Variants in ZCCHC7 observed in about 807,000 individuals in gnomAD.
ZCCHC7 encodes the protein zinc finger CCHC domain-containing protein 7.
In ZCCHC7, 35 loss-of-function variants were observed where a neutral mutation model predicts 52.0. The ratio of observed to expected loss-of-function variants is 0.67; its 90% CI spans 0.51 to 0.89. The LOEUF is 0.89. ZCCHC7 is among the 40% of genes least tolerant of loss of function. The probability of loss-of-function intolerance (pLI) is 0.00; values close to 1 mark genes in which losing one functional copy is unlikely to be tolerated. For synonymous variants in ZCCHC7, 217 were observed against 221.5 expected, an observed-to-expected ratio of 0.98 and a Z score of 0.18; for missense variants, 574 against 649.1, an observed-to-expected ratio of 0.88 and a Z score of 1.26.
At chr9:37,349,649 T>C (rs1273495655) in intron 7 of ZCCHC7, among the ~76,000 whole-genome samples, 197 bp downstream of exon 7, 2 of 152,258 alleles carry the variant, frequency 1.3e-5, no homozygotes, top group Non-Finnish European at 2.9e-5. Context: ...CCTCTAATTA[T>C]GTTACATGTA....
chr9:37,328,427 C>G (rs1830333634), intron 6 of ZCCHC7, among the ~76,000 whole-genome samples: 1 of 151,860 alleles, frequency 6.6e-6, no homozygotes, highest in South Asian at 2.1e-4. Context: ...ATACAGTTTG[C>G]TAGAGAATCT....
At chr9:37,225,248 T>C (rs994122665) in intron 2 of ZCCHC7, among the ~76,000 whole-genome samples, 2 of 152,096 alleles carry the variant, frequency 1.3e-5, no homozygotes, top group African/African-American at 4.8e-5. Context: ...CCTTGAAAGT[T>C]AAAATTAAGA....
intron 2 of ZCCHC7, among the ~76,000 whole-genome samples, chr9:37,201,852 CAT>C (rs1823647615): frequency 6.6e-6 from 1 of 152,220 alleles, no homozygotes; most frequent in African/African-American, 2.4e-5. Flanking sequence ...ATACAAAACT[CAT>C]ATTATCTGCA....
intron 2 of ZCCHC7, among the ~76,000 whole-genome samples, chr9:37,262,570 A>G (rs1049041705): frequency 4.6e-5 from 7 of 152,176 alleles, no homozygotes; most frequent in African/African-American, 1.7e-4. Context: ...GCGTCTTCAC[A>G]GTTTACTCAC....
intron 6 of ZCCHC7, among the ~76,000 whole-genome samples, chr9:37,345,959 T>TTTTTG (rs951672521): frequency 3.9e-5 from 6 of 151,990 alleles, no homozygotes; most frequent in Non-Finnish European, 8.8e-5. Context: ...GAAGTAGTTT[T>TTTTTG]TTTTGTTTTG....
At chr9:37,237,940 A>T (rs1284736039) in intron 2 of ZCCHC7, among the ~76,000 whole-genome samples, 1 of 151,866 alleles carries the variant, frequency 6.6e-6, no homozygotes, top group Non-Finnish European at 1.5e-5. Flanking sequence ...GGTGGGCAAA[A>T]CTCATTCCCG....
At chr9:37,189,786 A>G (rs1223659397) in intron 2 of ZCCHC7, among the ~76,000 whole-genome samples, 1 of 152,172 alleles carries the variant, frequency 6.6e-6, no homozygotes, top group Non-Finnish European at 1.5e-5. Context: ...TTTCCTTTAC[A>G]AAACCTTTGC....
intron 2 of ZCCHC7, among the ~76,000 whole-genome samples, chr9:37,294,784 G>C (rs1470904529): frequency 6.6e-6 from 1 of 152,022 alleles, no homozygotes; most frequent in Admixed American, 6.6e-5. Flanking sequence ...TAACTGGATA[G>C]ATAAAATAGA....
Position 37,279,446 on chromosome 9 carries a change from C to A in ZCCHC7, c.611-22742C>A, listed in dbSNP as rs534071020. Among the ~76,000 whole-genome samples the A allele has an allele frequency of 2.8e-4, 42 of 151,164 alleles. 1 individual carries two copies. In the South Asian group the frequency reaches 3.8e-3, roughly 14 times the overall value. The stretch of plus-strand genomic sequence containing the variant: ...GACAAAAAAACATAAGGACATAAAC[C>A]TAAAATGCAATAGAGAAATTATATT... On this transcript the variant is annotated intron_variant, in intron 2 of 8. Transcript: ENST00000336755.
At chr9:37,131,840 A>C (rs868332224) in intron 2 of ZCCHC7, among the ~76,000 whole-genome samples, 8 of 152,254 alleles carry the variant, frequency 5.3e-5, no homozygotes, top group Middle Eastern at 6.8e-3. Flanking sequence ...CGTGACACTT[A>C]ACAGTCTAGC....
chr9:37,351,305 G>A (rs2118646352), intron 7 of ZCCHC7, among the ~76,000 whole-genome samples: 1 of 152,154 alleles, frequency 6.6e-6, no homozygotes, highest in African/African-American at 2.4e-5. Context: ...AGTTGTACAG[G>A]AAATCTCTCA....
At chr9:37,351,761 G>A (rs1444051198) in intron 7 of ZCCHC7, among the ~76,000 whole-genome samples, 1 of 152,062 alleles carries the variant, frequency 6.6e-6, no homozygotes, top group African/African-American at 2.4e-5. Flanking sequence ...TACAATTTTT[G>A]CTTGCTTACC....
intron 2 of ZCCHC7, among the ~76,000 whole-genome samples, chr9:37,265,326 T>C (rs555689490): frequency 3.7e-4 from 56 of 152,142 alleles, no homozygotes; most frequent in African/African-American, 1.3e-3. Context: ...CTTTACTTCC[T>C]AGGATCCTAG....
chr9:37,333,316 A>G (rs1830521587), intron 6 of ZCCHC7, among the ~76,000 whole-genome samples: 1 of 151,734 alleles, frequency 6.6e-6, no homozygotes, highest in Non-Finnish European at 1.5e-5. Context: ...CTCACTAGTC[A>G]TCATGAATTT....
At chr9:37,239,157 G>A (rs1825775938) in intron 2 of ZCCHC7, among the ~76,000 whole-genome samples, 2 of 152,026 alleles carry the variant, frequency 1.3e-5, no homozygotes, top group African/African-American at 2.4e-5. Flanking sequence ...TAGCTAGTAG[G>A]TCATTGTGTT....
rs762990163 is a variant in ZCCHC7 at position 37,327,824 on chromosome 9, A to T, written c.977A>T (p.Tyr326Phe). The T allele has an allele frequency of 6.2e-7, 1 of 1,613,050 alleles. No homozygotes were observed. The highest frequency in any genetic ancestry group is 1.3e-5 in the African/African-American group (1 of 74,884). Residue 326 changes from tyrosine (Y) to phenylalanine (F), a missense_variant, in exon 6 of 9, where the codon TAT becomes TTT. Physicochemically the swap from Tyr to Phe is conservative, Grantham distance 22 (BLOSUM62 3). Transcript: ENST00000336755. ...TDACTEIWRQ[Y>F]HLTTKPGPPK... ...GCTTGCACAGAAATCTGGAGGCAGT[A>T]TCACCTAACGGTGAGTAGAAACACC...
chr9:37,338,820 A>T (rs57516883), intron 6 of ZCCHC7, among the ~76,000 whole-genome samples: 1 of 152,098 alleles, frequency 6.6e-6, no homozygotes, highest in Non-Finnish European at 1.5e-5. Flanking sequence ...AAAAGCATAC[A>T]TGTCTGTTGC....
chr9:37,324,134 C>G (rs1830152374), intron 5 of ZCCHC7, among the ~76,000 whole-genome samples: 1 of 152,014 alleles, frequency 6.6e-6, no homozygotes, highest in South Asian at 2.1e-4. Flanking sequence ...TTTATTAAAT[C>G]TTTTGTTTTG....
intron 2 of ZCCHC7, among the ~76,000 whole-genome samples, chr9:37,128,268 A>C (rs1842625813): frequency 6.6e-6 from 1 of 152,190 alleles, no homozygotes; most frequent in South Asian, 2.1e-4. Flanking sequence ...ATATTTGTAG[A>C]GGTAGAGGAG....
Sources: gnomAD v4.1 joint callset for allele counts (sites outside exome capture counted in the v4.1 genomes callset) on GRCh38, gnomAD v4.1.1 for gene constraint, MANE v1.5 for transcripts, NCBI Gene and HGNC (gene_info 2026-07-23, HGNC 2026-07-21) for gene names.